Variants in TEX264 observed in about 807,000 individuals in gnomAD.
The protein encoded by TEX264 is testis-expressed protein 264.
TEX264 carries 13 observed loss-of-function variants against 23.4 expected under a neutral mutation model. The observed-to-expected ratio is 0.56, with a 90% CI of 0.36 to 0.88. TEX264 has a LOEUF of 0.88. Ranked by LOEUF, TEX264 falls within the 40% of genes least tolerant of loss-of-function variation. TEX264 has a pLI of 0.01. For synonymous variants in TEX264, 159 were observed against 170.0 expected, an observed-to-expected ratio of 0.94 and a Z score of 0.50; for missense variants, 340 against 406.8, an observed-to-expected ratio of 0.84 and a Z score of 1.41.
chr3:51,684,383 A>G, intron 2 of TEX264, 30 bp from the exon 3 acceptor site: 1 of 1,606,754 alleles, frequency 6.2e-7, no homozygotes, highest in Non-Finnish European at 8.5e-7. Context: ...TCCTTTGGCC[A>G]ACTCTCACAC....
Position 51,692,208 on chromosome 3 carries a change from C to A in TEX264, c.481-7198C>A, listed in dbSNP as rs1329417894. The stretch of plus-strand genomic sequence containing the variant: ...TGGGCTGTCACCAGTCCAGAGGGAG[C>A]CTTCTTCCCCAGGCAGATGGAATTT... On this transcript the variant is annotated intron_variant, in intron 3 of 4. Transcript: ENST00000341333. 5.9e-5 allele frequency among the ~76,000 whole-genome samples: 9 copies of A among 152,272 alleles called. No homozygotes were observed. The East Asian group carries it at 1.5e-3, about 26-fold the overall frequency.
At chr3:51,696,588 G>T (rs964563450) in intron 3 of TEX264, among the ~76,000 whole-genome samples, 1 of 152,170 alleles carries the variant, frequency 6.6e-6, no homozygotes, top group South Asian at 2.1e-4. Flanking sequence ...CATATAGCTT[G>T]TCCTGCCCCT....
At chr3:51,690,921 C>T (rs952527502) in intron 3 of TEX264, among the ~76,000 whole-genome samples, 1 of 152,168 alleles carries the variant, frequency 6.6e-6, no homozygotes. Flanking sequence ...TCCCTTAGGC[C>T]GAGGATCGTT....
intron 2 of TEX264, among the ~76,000 whole-genome samples, chr3:51,676,908 C>T (rs559223679): frequency 6.6e-6 from 1 of 152,332 alleles, no homozygotes; most frequent in East Asian, 1.9e-4. Context: ...CCATCCCAGT[C>T]CTGGGTCAGT....
rs770129523 is a variant in TEX264 at position 51,674,255 on chromosome 3, T to G, written c.-34-16T>G. ...AGTAGGCTACCAGCCTCCTCTCCCT[T>G]CTTTCTCCTTTGCAGCTGCCTTGAG... On this transcript the variant is annotated splice_polypyrimidine_tract_variant and intron_variant, in intron 1 of 4. Coordinates refer to ENST00000341333, the MANE Select transcript of TEX264 (RefSeq NM_015926.6). 2 of 1,609,186 alleles carry G rather than the reference T, an allele frequency of 1.2e-6. No individual in the cohort carries two copies. Among genetic ancestry groups the G allele is most frequent in the Non-Finnish European group, 1.7e-6 (2 of 1,176,252 alleles).
At chr3:51,700,891 CG>C (rs905252321) in intron 4 of TEX264, among the ~76,000 whole-genome samples, 1 of 152,112 alleles carries the variant, frequency 6.6e-6, no homozygotes, top group Non-Finnish European at 1.5e-5. Flanking sequence ...GACACCCCAG[CG>C]GGACTCGGTG....
At chr3:51,672,622 A>C (rs917389151) in intron 1 of TEX264, among the ~76,000 whole-genome samples, 11 of 152,226 alleles carry the variant, frequency 7.2e-5, no homozygotes, top group Non-Finnish European at 1.3e-4. Flanking sequence ...TTTGGAAGCC[A>C]GTCACCAGAG....
In TEX264 at chr3:51,694,080, C is replaced by T. The variant is rs187773130; in HGVS notation, c.481-5326C>T. 2.4e-3 allele frequency among the ~76,000 whole-genome samples: 258 copies of T among 105,826 alleles called. 2 individuals carry two copies. The highest frequency in any genetic ancestry group is 5.8e-3 in the Admixed American group (62 of 10,634). 69.4% of individuals were successfully genotyped at this position (105,826 alleles called of 152,430 possible). On this transcript the variant is annotated intron_variant, in intron 3 of 4. Transcript: ENST00000341333. ...CCTTCCCTTCCCTTCCCCTTCCTTC[C>T]GTCCGTCCTTCCTTCCTTCCTTCCT...
At chr3:51,699,618 T>C in intron 4 of TEX264, 44 bp downstream of exon 4, 1 of 1,602,330 alleles carries the variant, frequency 6.2e-7, no homozygotes, top group Non-Finnish European at 8.5e-7. Flanking sequence ...CTGGAGCTCC[T>C]CTCTTCTGGA....
intron 2 of TEX264, 67 bp downstream of exon 2, chr3:51,674,629 G>C (rs1042093724): frequency 6.4e-7 from 1 of 1,570,852 alleles, no homozygotes; most frequent in African/African-American, 1.4e-5. Context: ...TTTGGGGAGG[G>C]TAGTTTTGGT....
rs540187763 is a variant in TEX264, at chr3:51,690,305, G to A, written c.480+5671G>A. ...CCCACACTTTAGGAGGCTGAGGTGGGTGGATCACCTAAAGTCAGGAGTTTG... is the reference window on the plus strand; with the variant it reads ...CCCACACTTTAGGAGGCTGAGGTGGATGGATCACCTAAAGTCAGGAGTTTG... On this transcript the variant is annotated intron_variant, in intron 3 of 4. Transcript: ENST00000341333. 3.3e-5 allele frequency among the ~76,000 whole-genome samples: 5 copies of A among 152,294 alleles called. No individual in the cohort carries two copies. The East Asian group carries it at 9.7e-4, about 29-fold the overall frequency.
At chr3:51,674,604 G>T in intron 2 of TEX264, 42 bp downstream of exon 2, 1 of 1,600,860 alleles carries the variant, frequency 6.2e-7, no homozygotes, top group Non-Finnish European at 8.5e-7. Context: ...GATGGGCCTG[G>T]TGGGCCAGGG....
chr3:51,697,311 CTTA>C (rs1347046816), intron 3 of TEX264, among the ~76,000 whole-genome samples: 1 of 152,200 alleles, frequency 6.6e-6, no homozygotes, highest in African/African-American at 2.4e-5. Context: ...AGTACTCCCT[CTTA>C]TTATCTTGTT....
At position 51,684,427 on chromosome 3, in the gene TEX264, G is replaced by T; in HGVS notation, c.273G>T (p.Lys91Asn). The T allele has an allele frequency of 1.9e-6, 3 of 1,614,152 alleles. No homozygotes were observed. Among genetic ancestry groups the T allele is most frequent in the Non-Finnish European group, 2.5e-6 (3 of 1,180,014 alleles). The stretch of plus-strand genomic sequence containing the variant: ...TGCTTCCCCAGGTGCCCCCTGATAA[G>T]TGCCGATGTGCCGTGGGCAGCATCC... ...YDNPHMVPPD[K>N]CRCAVGSILS... The change falls in exon 3 of 5, where the codon AAG becomes AAT. Residue 91 changes from lysine (K) to asparagine (N), a missense_variant. Physicochemically the swap from Lys to Asn is moderately conservative, Grantham distance 94 (BLOSUM62 0). Coordinates refer to ENST00000341333, the MANE Select transcript of TEX264 (RefSeq NM_015926.6).
intron 3 of TEX264, among the ~76,000 whole-genome samples, chr3:51,693,482 T>G (rs1702905103): frequency 6.7e-6 from 1 of 148,786 alleles, no homozygotes; most frequent in Admixed American, 6.7e-5. Flanking sequence ...TTATGTTTTT[T>G]TTTTTTTTTT....
At chr3:51,671,946 G>GAGGCTGGAGGGGGAA (rs1702060330) in intron 1 of TEX264, 2 of 152,184 alleles carry the variant, frequency 1.3e-5, no homozygotes, top group African/African-American at 4.8e-5. Context: ...CGGAGGGGGA[G>GAGGCTGGAGGGGGAA]CCGAGGCTAG....
At position 51,674,258 on chromosome 3, in the gene TEX264, TTCTC is replaced by T; in HGVS notation, c.-34-12_-34-9del. 1 of 1,609,668 alleles carries T rather than the reference TTCTC, an allele frequency of 6.2e-7. No homozygotes were observed. The highest frequency in any genetic ancestry group is 8.5e-7 in the Non-Finnish European group (1 of 1,176,520). ...AGGCTACCAGCCTCCTCTCCCTTCT[TTCTC>T]CTTTGCAGCTGCCTTGAGGTGCAGT... On this transcript the variant is annotated splice_polypyrimidine_tract_variant and intron_variant, in intron 1 of 4. Transcript: ENST00000341333.
At chr3:51,684,216 G>T in intron 2 of TEX264, 197 bp from the exon 3 acceptor site, 1 of 597,126 alleles carries the variant, frequency 1.7e-6, no homozygotes, top group Non-Finnish European at 3.0e-6. Flanking sequence ...TGAGAGTCCT[G>T]TGGTACGATG....
At chr3:51,671,444 C>CG (rs1171590429) in intron 1 of TEX264, 156 bp downstream of exon 1, 1 of 154,314 alleles carries the variant, frequency 6.5e-6, no homozygotes, top group African/African-American at 2.4e-5. Context: ...CAGCTGGCCT[C>CG]GGCCAGGTCC....
Sources: allele counts gnomAD v4.1 joint callset (sites outside exome capture counted in the v4.1 genomes callset), GRCh38; gene constraint gnomAD v4.1.1; transcripts MANE v1.5; gene names NCBI Gene and HGNC (gene_info 2026-07-23, HGNC 2026-07-21).